ZNF385B: variants seen among roughly 807,000 people sequenced by gnomAD.
ZNF385B encodes the protein zinc finger protein 533.
ZNF385B carries 23 observed loss-of-function variants against 39.2 expected under a neutral mutation model. The ratio of observed to expected loss-of-function variants is 0.59; its 90% confidence interval spans 0.42 to 0.83. ZNF385B has a LOEUF of 0.83. ZNF385B is among the 40% of genes least tolerant of loss of function. ZNF385B has a pLI of 0.00. For missense variants in ZNF385B, 552 were observed against 598.9 expected (o/e 0.92, Z 0.82); for synonymous variants, 205 against 222.6 (o/e 0.92, Z 0.70).
At chr2:179,619,585 C>T (rs1690040908) in intron 3 of ZNF385B, among the ~76,000 whole-genome samples, 3 of 152,174 alleles carry the variant, frequency 2.0e-5, no homozygotes, top group Non-Finnish European at 4.4e-5. Context: ...TCTATCACTA[C>T]AGCTTATTGA....
At chr2:179,775,064 T>G (rs1704235042) in intron 1 of ZNF385B, among the ~76,000 whole-genome samples, 1 of 152,192 alleles carries the variant, frequency 6.6e-6, no homozygotes, top group Admixed American at 6.5e-5. Context: ...CTCCTGATCT[T>G]CTGCTGCAAA....
chr2:179,826,170 T>C (rs573568152), intron 1 of ZNF385B, among the ~76,000 whole-genome samples: 8 of 152,212 alleles, frequency 5.3e-5, no homozygotes, highest in African/African-American at 1.9e-4. Context: ...ACAACAGAGT[T>C]TAGGGTTTGG....
chr2:179,705,848 T>C (rs951300635), intron 3 of ZNF385B, among the ~76,000 whole-genome samples: 1 of 152,184 alleles, frequency 6.6e-6, no homozygotes, highest in Non-Finnish European at 1.5e-5. Context: ...TCCAATAAAC[T>C]TGATGTACAT....
At chr2:179,627,451 A>G (rs1372829434) in intron 3 of ZNF385B, among the ~76,000 whole-genome samples, 7 of 152,200 alleles carry the variant, frequency 4.6e-5, no homozygotes, top group African/African-American at 1.7e-4. Context: ...AGAGGGGGAA[A>G]CTAATGCTCA....
At chr2:179,644,083 G>A (rs1301624859) in intron 3 of ZNF385B, among the ~76,000 whole-genome samples, 1 of 151,784 alleles carries the variant, frequency 6.6e-6, no homozygotes, top group Non-Finnish European at 1.5e-5. Context: ...CCATATTTGA[G>A]AACTGCTAGT....
chr2:179,643,157 C>T (rs1183198777), intron 3 of ZNF385B, among the ~76,000 whole-genome samples: 7 of 150,872 alleles, frequency 4.6e-5, no homozygotes, highest in African/African-American at 1.5e-4. Context: ...TTACAACATT[C>T]GGACTTTAAA....
intron 5 of ZNF385B, among the ~76,000 whole-genome samples, chr2:179,509,268 A>C (rs1379068626): frequency 6.6e-6 from 1 of 152,100 alleles, no homozygotes; most frequent in Non-Finnish European, 1.5e-5. Flanking sequence ...TCAATCCTAA[A>C]TTATCCAAAT....
chr2:179,554,987 C>A (rs1181190777), intron 3 of ZNF385B, among the ~76,000 whole-genome samples: 1 of 149,406 alleles, frequency 6.7e-6, no homozygotes, highest in Admixed American at 6.7e-5. Context: ...CCAGAAATTT[C>A]ACTTCTAGGT....
intron 5 of ZNF385B, among the ~76,000 whole-genome samples, chr2:179,517,872 T>G (rs372549004): frequency 5.9e-5 from 9 of 152,322 alleles, no homozygotes; most frequent in African/African-American, 2.2e-4. Context: ...GCAGGATGGT[T>G]ATGCTTGACA....
intron 3 of ZNF385B, 113 bp from the exon 4 acceptor site, chr2:179,545,082 A>T: frequency 2.2e-6 from 3 of 1,339,296 alleles, no homozygotes; most frequent in Non-Finnish European, 3.2e-6. Flanking sequence ...CAAGAGAGTT[A>T]TGCTGTAAGT....
At chr2:179,837,121 A>G (rs1347923355) in intron 1 of ZNF385B, among the ~76,000 whole-genome samples, 1 of 152,236 alleles carries the variant, frequency 6.6e-6, no homozygotes, top group Non-Finnish European at 1.5e-5. Flanking sequence ...AGGCACCTAA[A>G]AACTGAGATT....
chr2:179,612,749 C>T (rs1606815), intron 3 of ZNF385B, among the ~76,000 whole-genome samples: 28,332 of 152,056 alleles, frequency 0.19, 3,229 homozygotes, highest in South Asian at 0.29. Flanking sequence ...TTGCTCAATG[C>T]CCTGGGGCTC....
At position 179,538,172 on chromosome 2, in the gene ZNF385B, T is replaced by C. The variant is rs189830589; in HGVS notation, c.441+6655A>G. The stretch of plus-strand genomic sequence containing the variant: ...GGACATACTAGTATCCTAAGAAATA[T>C]GGAATACATAATTTTTAATGACAGC... On this transcript the variant is annotated intron_variant, in intron 4 of 9. Coordinates refer to ENST00000410066, the MANE Select transcript of ZNF385B (RefSeq NM_152520.6). 2.1e-3 allele frequency among the ~76,000 whole-genome samples: 322 copies of C among 152,254 alleles called. 1 individual carries two copies. The highest frequency in any genetic ancestry group is 7.1e-3 in the African/African-American group (297 of 41,554).
chr2:179,657,945 C>A (rs1012413323), intron 3 of ZNF385B, among the ~76,000 whole-genome samples: 6 of 152,146 alleles, frequency 3.9e-5, no homozygotes, highest in African/African-American at 1.4e-4. Flanking sequence ...TCATGCTTTG[C>A]CATCTCACCA....
chr2:179,847,792 C>G lies in ZNF385B; in HGVS notation c.-155+13309G>C, dbSNP rs148058100. The stretch of plus-strand genomic sequence containing the variant: ...TAGCAGATTACCCCTTCTCTGACCC[C>G]TCAGAGGAGACTCAGAAAAGAATAA... On this transcript the variant is annotated intron_variant, in intron 1 of 9. Coordinates refer to ENST00000410066, the MANE Select transcript of ZNF385B (RefSeq NM_152520.6). Among the ~76,000 whole-genome samples, 613 of 152,288 alleles carry G rather than the reference C, an allele frequency of 4.0e-3. 5 individuals carry two copies. The highest frequency in any genetic ancestry group is 6.8e-3 in the Middle Eastern group (2 of 292).
At chr2:179,510,683 A>G (rs188282075) in intron 5 of ZNF385B, among the ~76,000 whole-genome samples, 224 of 152,286 alleles carry the variant, frequency 1.5e-3, no homozygotes, top group African/African-American at 5.1e-3. Context: ...AAAACTTCAT[A>G]AATAAATTAC....
chr2:179,745,633 G>A, intron 3 of ZNF385B: 1 of 1,305,584 alleles, frequency 7.7e-7, no homozygotes, highest in Non-Finnish European at 1.0e-6. Context: ...GGACTCCACA[G>A]GATTCAGCAT....
chr2:179,711,956 A>AT (rs1700033457), intron 3 of ZNF385B, among the ~76,000 whole-genome samples: 1 of 125,700 alleles, frequency 8.0e-6, no homozygotes, highest in Non-Finnish European at 1.6e-5. Flanking sequence ...ACTGCCATGT[A>AT]TGTAAGTCCC....
chr2:179,814,065 T>C (rs1208150557), intron 1 of ZNF385B, among the ~76,000 whole-genome samples: 1 of 152,194 alleles, frequency 6.6e-6, no homozygotes, highest in African/African-American at 2.4e-5. Flanking sequence ...TAACAACATG[T>C]GGAAAGTGTT....
Sources: allele counts gnomAD v4.1 joint callset (sites outside exome capture counted in the v4.1 genomes callset), GRCh38; gene constraint gnomAD v4.1.1; transcripts MANE v1.5; gene names NCBI Gene and HGNC (gene_info 2026-07-23, HGNC 2026-07-21).